KIAA1217: variants seen among roughly 807,000 people sequenced by gnomAD.
KIAA1217 encodes KIAA1217, also known as sickle tail protein homolog.
KIAA1217 carries 88 observed loss-of-function variants against 163.9 expected under a neutral mutation model. The ratio of observed to expected loss-of-function variants is 0.54; its 90% CI spans 0.45 to 0.64. The LOEUF (loss-of-function observed/expected upper bound fraction) is 0.64. KIAA1217 is among the 30% of genes least tolerant of loss of function. KIAA1217 has a pLI of 0.00. For missense variants in KIAA1217, 2,372 were observed against 2,475.0 expected, an observed-to-expected ratio of 0.96 and a Z score of 0.88; for synonymous variants, 903 against 923.1, an observed-to-expected ratio of 0.98 and a Z score of 0.39.
At chr10:24,223,355 C>A (rs2069937329) in intron 2 of KIAA1217, among the ~76,000 whole-genome samples, 1 of 152,100 alleles carries the variant, frequency 6.6e-6, no homozygotes. Flanking sequence ...CTGCAGACAT[C>A]ATCTCATCTT....
At chr10:23,916,908 G>A (rs896332470) in intron 1 of KIAA1217, among the ~76,000 whole-genome samples, 4 of 146,944 alleles carry the variant, frequency 2.7e-5, no homozygotes, top group Non-Finnish European at 4.5e-5. Flanking sequence ...GGAGTTGGAG[G>A]TTGCAGTGAG....
intron 2 of KIAA1217, among the ~76,000 whole-genome samples, chr10:24,288,120 C>A (rs945770287): frequency 1.3e-5 from 2 of 152,168 alleles, no homozygotes; most frequent in Non-Finnish European, 1.5e-5. Context: ...ACACCCTACT[C>A]AGAAGCCTAC....
chr10:24,124,070 A>G (rs921346635), intron 2 of KIAA1217, among the ~76,000 whole-genome samples: 5 of 152,186 alleles, frequency 3.3e-5, no homozygotes, highest in African/African-American at 1.2e-4. Context: ...AAATGTCAAC[A>G]TTTCATTTTA....
At chr10:24,351,625 C>T (rs1359835315) in intron 2 of KIAA1217, among the ~76,000 whole-genome samples, 3 of 152,128 alleles carry the variant, frequency 2.0e-5, no homozygotes, top group Admixed American at 1.3e-4. Context: ...GGAATAATTT[C>T]GTTTTGCACC....
intron 2 of KIAA1217, among the ~76,000 whole-genome samples, chr10:24,234,795 T>C (rs1395929192): frequency 6.6e-6 from 1 of 152,188 alleles, no homozygotes; most frequent in African/African-American, 2.4e-5. Context: ...CTTAATTATA[T>C]TCCTCCATCT....
intron 1 of KIAA1217, among the ~76,000 whole-genome samples, chr10:23,892,512 A>G (rs1334502256): frequency 6.6e-6 from 1 of 151,910 alleles, no homozygotes; most frequent in Non-Finnish European, 1.5e-5. Flanking sequence ...TGCTTGCCTC[A>G]GGACTAGGAG....
At chr10:24,340,970 C>T (rs553841089) in intron 2 of KIAA1217, among the ~76,000 whole-genome samples, 14 of 152,192 alleles carry the variant, frequency 9.2e-5, no homozygotes, top group African/African-American at 1.4e-4. Context: ...ACATGTTATG[C>T]GCCGATAGTT....
chr10:23,798,522 A>G (rs936051453), intron 1 of KIAA1217, among the ~76,000 whole-genome samples: 8 of 152,206 alleles, frequency 5.3e-5, no homozygotes, highest in African/African-American at 1.9e-4. Context: ...TGTTGGAGAT[A>G]AAGATGTAGA....
chr10:23,849,962 A>G (rs1839228892), intron 1 of KIAA1217, among the ~76,000 whole-genome samples: 1 of 152,148 alleles, frequency 6.6e-6, no homozygotes, highest in South Asian at 2.1e-4. Context: ...TAACCTGAAT[A>G]GCCTATAAAT....
At chr10:23,854,835 A>T (rs1839563211) in intron 1 of KIAA1217, among the ~76,000 whole-genome samples, 1 of 151,550 alleles carries the variant, frequency 6.6e-6, no homozygotes, top group East Asian at 1.9e-4. Flanking sequence ...TAGGATTGCA[A>T]CCCCTGCCTT....
chr10:23,737,782 T>C (rs1248564014), intron 1 of KIAA1217, among the ~76,000 whole-genome samples: 2 of 152,164 alleles, frequency 1.3e-5, no homozygotes, highest in Non-Finnish European at 2.9e-5. Context: ...TAAGTACTTT[T>C]AGGTAGAGAA....
chr10:24,423,939 C>T (rs2131598999), intron 3 of KIAA1217, among the ~76,000 whole-genome samples: 1 of 152,230 alleles, frequency 6.6e-6, no homozygotes, highest in South Asian at 2.1e-4. Context: ...CTTACATTGT[C>T]CTCAAGTATC....
chr10:24,147,387 T>A (rs1367494236), intron 2 of KIAA1217, among the ~76,000 whole-genome samples: 3 of 152,174 alleles, frequency 2.0e-5, no homozygotes, highest in African/African-American at 7.2e-5. Context: ...AGAGAGCTTT[T>A]CCTAACCTTG....
rs531975641 is a variant in KIAA1217, at chr10:24,423,171, C to G, written c.554-9824C>G. On this transcript the variant is annotated intron_variant, in intron 3 of 20. Coordinates refer to ENST00000376454, the MANE Select transcript of KIAA1217 (RefSeq NM_019590.5). ...TGACCTCGTGATCCACCTGCCGTGGCCTCCCAAGGTGCTGGGATTACAGGT... is the reference window on the plus strand; with the variant it reads ...TGACCTCGTGATCCACCTGCCGTGGGCTCCCAAGGTGCTGGGATTACAGGT... Among the ~76,000 whole-genome samples the G allele has an allele frequency of 5.9e-5, 9 of 152,198 alleles. No homozygotes were observed. The South Asian group carries it at 1.2e-3, about 21-fold the overall frequency.
At chr10:23,782,854 C>A (rs1340843303) in intron 1 of KIAA1217, among the ~76,000 whole-genome samples, 1 of 152,092 alleles carries the variant, frequency 6.6e-6, no homozygotes, top group East Asian at 1.9e-4. Context: ...TTGCTCTTGC[C>A]AGTACTTCTA....
intron 2 of KIAA1217, among the ~76,000 whole-genome samples, chr10:24,332,090 G>A (rs749510673): frequency 3.3e-5 from 5 of 152,240 alleles, no homozygotes; most frequent in East Asian, 3.9e-4. Context: ...TGTGAGTCAC[G>A]GCACGTGATA....
At position 24,545,401 on chromosome 10, in the gene KIAA1217, C is replaced by T. The variant is rs148783530; in HGVS notation, c.5334+298C>T. 6.6e-4 allele frequency: 870 copies of T among 1,315,280 alleles called. 16 individuals carry two copies. The East Asian group carries it at 0.021, about 32-fold the overall frequency. The allele number at this position is 1,315,280 out of a possible 1,614,324, so 81.5% of individuals were successfully genotyped here. ...GTGAATGTAGTGTTTCATCTGAACA[C>T]CTCGGGAAGCAGAGACAAACCAACC... On this transcript the variant is annotated intron_variant, in intron 20 of 20. Transcript: ENST00000376454.
chr10:24,340,461 C>T (rs1159463500), intron 2 of KIAA1217, among the ~76,000 whole-genome samples: 1 of 152,188 alleles, frequency 6.6e-6, no homozygotes, highest in Non-Finnish European at 1.5e-5. Context: ...GAGGCCTCCC[C>T]AACCACTTGG....
At chr10:23,974,061 G>T (rs911754017) in intron 1 of KIAA1217, among the ~76,000 whole-genome samples, 3 of 152,160 alleles carry the variant, frequency 2.0e-5, no homozygotes, top group Non-Finnish European at 1.5e-5. Context: ...CATTTGTATT[G>T]ATTATGCATC....
Sources: gnomAD v4.1 joint callset for allele counts (sites outside exome capture counted in the v4.1 genomes callset) on GRCh38, gnomAD v4.1.1 for gene constraint, MANE v1.5 for transcripts, NCBI Gene and HGNC (gene_info 2026-07-23, HGNC 2026-07-21) for gene names.